The following ADARB2 variants were observed in gnomAD, a reference collection of about 807,000 sequenced individuals.
ADARB2 encodes inactive double-stranded RNA-specific editase B2.
Under a neutral mutation model 62.2 loss-of-function variants are expected in ADARB2, and 25 were observed. The observed-to-expected ratio is 0.40, with a 90% CI of 0.29 to 0.56. ADARB2 has a LOEUF of 0.56. Among genes scored for constraint, ADARB2 ranks in the 20% least tolerant of loss-of-function variants. The probability of loss-of-function intolerance (pLI) is 0.43; values close to 1 mark genes in which losing one functional copy is unlikely to be tolerated. For missense variants in ADARB2, 1,071 were observed against 1,077.4 expected, an observed-to-expected ratio of 0.99 and a Z score of 0.08; for synonymous variants, 572 against 500.8, an observed-to-expected ratio of 1.14 and a Z score of -1.90.
chr10:1,501,907 T>C (rs1831772576), intron 1 of ADARB2, among the ~76,000 whole-genome samples: 1 of 152,220 alleles, frequency 6.6e-6, no homozygotes, highest in South Asian at 2.1e-4. Context: ...AGGACAGGAT[T>C]AAGGTTTTAT....
intron 3 of ADARB2, chr10:1,361,679 T>A (rs958315120): frequency 3.9e-5 from 6 of 152,196 alleles, no homozygotes; most frequent in Non-Finnish European, 7.3e-5. Context: ...CCATGACGCA[T>A]GTGGTCTGTG....
chr10:1,526,641 C>G (rs544141577), intron 1 of ADARB2: 1 of 250,982 alleles, frequency 4.0e-6, no homozygotes, highest in Non-Finnish European at 8.5e-6. Context: ...TGGGGCCTCA[C>G]CAGATGCAGA....
intron 3 of ADARB2, among the ~76,000 whole-genome samples, chr10:1,318,215 C>T (rs190121170): frequency 6.6e-6 from 1 of 152,326 alleles, no homozygotes; most frequent in East Asian, 1.9e-4. Context: ...AAAATCCACC[C>T]ACAGAGAAGC....
intron 1 of ADARB2, among the ~76,000 whole-genome samples, chr10:1,546,300 A>G (rs1031098152): frequency 6.6e-6 from 1 of 152,226 alleles, no homozygotes; most frequent in African/African-American, 2.4e-5. Flanking sequence ...TTCCGTGCAG[A>G]GAGCAGCAGG....
chr10:1,593,432 A>G (rs1464627881), intron 1 of ADARB2, among the ~76,000 whole-genome samples: 4 of 152,246 alleles, frequency 2.6e-5, no homozygotes, highest in Non-Finnish European at 5.9e-5. Flanking sequence ...CTCTGGTCCA[A>G]CAGTGTCAGG....
intron 1 of ADARB2, among the ~76,000 whole-genome samples, chr10:1,484,750 A>G (rs1051499297): frequency 1.8e-4 from 27 of 152,088 alleles, no homozygotes; most frequent in Non-Finnish European, 4.4e-5. Context: ...AGGCGTGCAT[A>G]TAGGTACATA....
Position 1,179,833 on chromosome 10 carries a change from A to G in ADARB2, c.*3360T>C, listed in dbSNP as rs896744951. ...GGAAGTGCGAGGAAGCCAGACGGTGATTTCGAGGTGGACTTGGAGGGGCGG... is the reference window on the plus strand; with the variant it reads ...GGAAGTGCGAGGAAGCCAGACGGTGGTTTCGAGGTGGACTTGGAGGGGCGG... On this transcript the variant is annotated 3_prime_UTR_variant, in exon 10 of 10. Transcript: ENST00000381312. 1.3e-5 allele frequency: 2 copies of G among 152,190 alleles called. No homozygotes were observed. Among genetic ancestry groups the G allele is most frequent in the African/African-American group, 4.8e-5 (2 of 41,404 alleles). The allele number at this position is 152,190 out of a possible 1,614,324, so 9.4% of individuals were successfully genotyped here. A position where few individuals can be genotyped will look rare whatever the true frequency, so the allele number is the denominator to read the frequency against.
chr10:1,178,396 T>C lies in ADARB2; in HGVS notation c.*4797A>G, dbSNP rs6560716. The C allele has an allele frequency of 0.8, 122,196 of 152,372 alleles. 48,994 individuals carry two copies. Among genetic ancestry groups the C allele is most frequent in the South Asian group, 0.82 (3,926 of 4,812 alleles). The allele number at this position is 152,372 out of a possible 1,614,324, so 9.4% of individuals were successfully genotyped here. A position where few individuals can be genotyped will look rare whatever the true frequency, so the allele number is the denominator to read the frequency against. ...CCTCTGTCTCCACCGCATCTCTGGT[T>C]GGTCCCTGTGGCCTCTGCTCCTGCC... On this transcript the variant is annotated 3_prime_UTR_variant, in exon 10 of 10. Transcript: ENST00000381312.
At chr10:1,203,194 A>G (rs1033381894) in intron 7 of ADARB2, among the ~76,000 whole-genome samples, 5 of 152,208 alleles carry the variant, frequency 3.3e-5, no homozygotes, top group African/African-American at 1.2e-4. Flanking sequence ...CTAAATAAAT[A>G]TATTTTTGTC....
intron 1 of ADARB2, among the ~76,000 whole-genome samples, chr10:1,472,962 GC>G (rs113462417): frequency 0.043 from 6,589 of 152,214 alleles, 276 homozygotes; most frequent in South Asian, 0.11. Flanking sequence ...AGATAGAAAT[GC>G]TTGGGACTGG....
intron 6 of ADARB2, among the ~76,000 whole-genome samples, chr10:1,228,529 C>G (rs1830768057): frequency 6.6e-6 from 1 of 152,346 alleles, no homozygotes; most frequent in South Asian, 2.1e-4. Flanking sequence ...CATAGACACA[C>G]ACAGCATGTT....
intron 1 of ADARB2, among the ~76,000 whole-genome samples, chr10:1,413,545 G>T (rs1295447276): frequency 6.6e-6 from 1 of 152,174 alleles, no homozygotes; most frequent in African/African-American, 2.4e-5. Flanking sequence ...ACCTGCTCGG[G>T]TCTAACCATC....
Position 1,183,196 on chromosome 10 carries a change from G to T in ADARB2, c.2217C>A (p.Leu739=), listed in dbSNP as rs1310987380. The stretch of plus-strand genomic sequence containing the variant: ...CCAGCAGCCAGGAGCCCGCAGCCTA[G>T]AGAGTCAGTAGAAACTGCTGCTGCT... ...PPEQQQFLLT[L] Residue 739 remains leucine (L), a synonymous_variant, in exon 10 of 10, where the codon CTC becomes CTA. Coordinates refer to ENST00000381312, the MANE Select transcript of ADARB2 (RefSeq NM_018702.4). The T allele has an allele frequency of 6.2e-7, 1 of 1,612,742 alleles. No homozygotes were observed. Among genetic ancestry groups the T allele is most frequent in the South Asian group, 1.1e-5 (1 of 91,028 alleles).
chr10:1,662,248 C>G (rs1034498504), intron 1 of ADARB2, among the ~76,000 whole-genome samples: 1 of 152,174 alleles, frequency 6.6e-6, no homozygotes, highest in African/African-American at 2.4e-5. Flanking sequence ...GAGGGGAGCC[C>G]GGTCCACGGG....
At chr10:1,261,495 G>T (rs898578142) in intron 4 of ADARB2, among the ~76,000 whole-genome samples, 3 of 150,320 alleles carry the variant, frequency 2.0e-5, no homozygotes, top group Non-Finnish European at 4.4e-5. Flanking sequence ...CAAAGGACAT[G>T]AACAGACACT....
chr10:1,429,569 A>G (rs1211222215), intron 1 of ADARB2, among the ~76,000 whole-genome samples: 1 of 152,214 alleles, frequency 6.6e-6, no homozygotes, highest in East Asian at 1.9e-4. Context: ...TCTCTGGTAC[A>G]CACATGAAGC....
At chr10:1,429,142 G>A (rs763942864) in intron 1 of ADARB2, among the ~76,000 whole-genome samples, 16 of 152,180 alleles carry the variant, frequency 1.1e-4, no homozygotes, top group South Asian at 4.1e-4. Flanking sequence ...GAGGGAAGCC[G>A]GGTATGAGGT....
At chr10:1,630,607 G>C (rs952926854) in intron 1 of ADARB2, among the ~76,000 whole-genome samples, 3 of 152,184 alleles carry the variant, frequency 2.0e-5, no homozygotes, top group African/African-American at 7.2e-5. Context: ...TTCAGGCAGA[G>C]AAATGGCGAC....
At chr10:1,541,141 TCACAG>T (rs1212120723) in intron 1 of ADARB2, among the ~76,000 whole-genome samples, 6 of 81,858 alleles carry the variant, frequency 7.3e-5, no homozygotes, top group African/African-American at 1.1e-4. Context: ...AGACCCTGGA[TCACAG>T]CCGTCCAGAC....
Sources: gnomAD v4.1 joint callset for allele counts (sites outside exome capture counted in the v4.1 genomes callset) on GRCh38, gnomAD v4.1.1 for gene constraint, MANE v1.5 for transcripts, NCBI Gene and HGNC (gene_info 2026-07-23, HGNC 2026-07-21) for gene names.